The following CCN3 variants were observed in gnomAD, a reference collection of about 807,000 sequenced individuals.
CCN3 encodes cellular communication network factor 3.
Under a neutral mutation model 33.4 loss-of-function variants are expected in CCN3, and 20 were observed. That is an observed-to-expected ratio of 0.60 (90% CI 0.42 to 0.87). The LOEUF is 0.87. CCN3 is among the 40% of genes least tolerant of loss of function. The pLI, the probability that CCN3 is intolerant of heterozygous loss-of-function variation, is 0.00. For synonymous variants in CCN3, 205 were observed against 170.4 expected (o/e 1.20, Z -1.58); for missense variants, 465 against 455.3 (o/e 1.02, Z -0.19).
Position 119,424,094 on chromosome 8 carries a change from T to C in CCN3, c.*962T>C, listed in dbSNP as rs1305985981. The C allele has an allele frequency of 6.6e-6, 1 of 152,164 alleles. No homozygotes were observed. The highest frequency in any genetic ancestry group is 1.9e-4 in the East Asian group (1 of 5,194). The allele number at this position is 152,164 out of a possible 1,614,324, so 9.4% of individuals were successfully genotyped here. A position where few individuals can be genotyped will look rare whatever the true frequency, so the allele number is the denominator to read the frequency against. On this transcript the variant is annotated 3_prime_UTR_variant, in exon 5 of 5. Transcript: ENST00000259526. ...ACATTTTATGAGAGTTTGGAATTAT[T>C]GTAGACATGCCCAAAACTTATCCTT...
At chr8:119,418,965 GAAAT>G (rs1820088552) in intron 3 of CCN3, among the ~76,000 whole-genome samples, 162 bp from the exon 4 acceptor site, 1 of 152,174 alleles carries the variant, frequency 6.6e-6, no homozygotes, top group South Asian at 2.1e-4. Flanking sequence ...AGCCATGCCA[GAAAT>G]AAATAAATAG....
chr8:119,420,522 T>G (rs1363028975), intron 4 of CCN3, among the ~76,000 whole-genome samples: 1 of 152,204 alleles, frequency 6.6e-6, no homozygotes, highest in East Asian at 1.9e-4. Flanking sequence ...TCCACCAGTT[T>G]AGAAAGAACA....
intron 3 of CCN3, 141 bp downstream of exon 3, chr8:119,418,450 G>A: frequency 3.0e-6 from 3 of 989,458 alleles, no homozygotes; most frequent in East Asian, 2.5e-5. Flanking sequence ...TGCCCACTGA[G>A]ATCAAACACA....
Position 119,419,286 on chromosome 8 carries a change from C to G in CCN3, c.718C>G (p.Gln240Glu), listed in dbSNP as rs1293254649. Reference sequence around the variant, plus strand: ...GAACCGTCAATGTGAGATGCTGAAACAGACTCGGCTCTGCATGGTGCGGCC... The same window carrying G: ...GAACCGTCAATGTGAGATGCTGAAAGAGACTCGGCTCTGCATGGTGCGGCC... Reference protein sequence around the residue: ...NRNRQCEMLKQTRLCMVRPCE... With the variant: ...NRNRQCEMLKETRLCMVRPCE... The change falls in exon 4 of 5, where the codon CAG becomes GAG. Residue 240 changes from glutamine (Q) to glutamate (E), a missense_variant. Coordinates refer to ENST00000259526, the MANE Select transcript of CCN3 (RefSeq NM_002514.4). 14 of 1,614,070 alleles carry G rather than the reference C, an allele frequency of 8.7e-6. No individual in the cohort carries two copies. Among genetic ancestry groups the G allele is most frequent in the Admixed American group, 1.7e-5 (1 of 60,002 alleles).
intron 4 of CCN3, among the ~76,000 whole-genome samples, chr8:119,421,328 T>G (rs536613530): frequency 1.3e-5 from 2 of 152,038 alleles, no homozygotes; most frequent in African/African-American, 4.8e-5. Flanking sequence ...TCTTAAAGGG[T>G]GGTCCCCAAA....
chr8:119,417,062 C>A, intron 2 of CCN3, 93 bp downstream of exon 2: 1 of 1,015,382 alleles, frequency 9.8e-7, no homozygotes, highest in Non-Finnish European at 1.5e-6. Flanking sequence ...TCCCAGAGGG[C>A]GATAAGCAAA....
intron 1 of CCN3, 49 bp from the exon 2 acceptor site, chr8:119,416,695 C>A (rs1394155918): frequency 3.8e-6 from 6 of 1,577,252 alleles, no homozygotes; most frequent in Non-Finnish European, 5.2e-6. Context: ...GGGCTCACTG[C>A]GTCTTCTGTC....
At chr8:119,417,636 G>A (rs992384486) in intron 2 of CCN3, among the ~76,000 whole-genome samples, 1 of 152,112 alleles carries the variant, frequency 6.6e-6, no homozygotes, top group South Asian at 2.1e-4. Context: ...GAGTGTCAAG[G>A]AATCTTAATG....
chr8:119,419,558 C>A (rs1301486620), intron 4 of CCN3, among the ~76,000 whole-genome samples: 7 of 152,232 alleles, frequency 4.6e-5, no homozygotes, highest in Non-Finnish European at 1.0e-4. Context: ...CACAGTACAC[C>A]CTCAGGTAAA....
chr8:119,419,430 T>A, intron 4 of CCN3, 85 bp downstream of exon 4: 1 of 1,360,176 alleles, frequency 7.4e-7, no homozygotes, highest in Non-Finnish European at 1.0e-6. Flanking sequence ...ACTGTGTCAC[T>A]CTGTGACGGA....
Position 119,419,169 on chromosome 8 carries a change from G to C in CCN3, c.601G>C (p.Asp201His). 1.2e-6 allele frequency: 2 copies of C among 1,614,176 alleles called. No homozygotes were observed. The highest frequency in any genetic ancestry group is 1.1e-5 in the South Asian group (1 of 91,068). The stretch of plus-strand genomic sequence containing the variant: ...AGCCACCCTAGGAGTAGAAGTCTCT[G>C]ACTCAAGTGTCAACTGCATTGAACA... Reference protein sequence around the residue: ...PEATLGVEVSDSSVNCIEQTT... With the variant: ...PEATLGVEVSHSSVNCIEQTT... Residue 201 changes from aspartate (D) to histidine (H), a missense_variant, in exon 4 of 5, where the codon GAC becomes CAC. Physicochemically the swap from Asp to His is moderately conservative, Grantham distance 81. Coordinates refer to ENST00000259526, the MANE Select transcript of CCN3 (RefSeq NM_002514.4).
In CCN3 at chr8:119,418,236, G is replaced by A; in HGVS notation, c.489G>A (p.Val163=). 1.2e-6 allele frequency: 2 copies of A among 1,614,222 alleles called. No homozygotes were observed. The highest frequency in any genetic ancestry group is 1.7e-6 in the Non-Finnish European group (2 of 1,180,050). The change falls in exon 3 of 5, where the codon GTG becomes GTA. Residue 163 remains valine, a synonymous_variant. Transcript: ENST00000259526. ...PNCPAPRKVE[V]PGECCEKWIC... is the part of the protein sequence containing the mutation. Reference sequence around the variant, plus strand: ...GCCCAGCTCCAAGAAAAGTTGAGGTGCCTGGAGAGTGCTGTGAAAAGTGGA... The same window carrying A: ...GCCCAGCTCCAAGAAAAGTTGAGGTACCTGGAGAGTGCTGTGAAAAGTGGA...
At chr8:119,419,621 G>T (rs1490520695) in intron 4 of CCN3, among the ~76,000 whole-genome samples, 1 of 152,238 alleles carries the variant, frequency 6.6e-6, no homozygotes, top group African/African-American at 2.4e-5. Flanking sequence ...GAATGGTCTA[G>T]CAAATCCCAT....
In CCN3 at chr8:119,422,840, G is replaced by C; in HGVS notation, c.782G>C (p.Gly261Ala). The C allele has an allele frequency of 6.3e-7, 1 of 1,597,218 alleles. No homozygotes were observed. Among genetic ancestry groups the C allele is most frequent in the Non-Finnish European group, 8.5e-7 (1 of 1,170,212 alleles). ...CACTTCTTTTTTCTTTCTTAGAAAG[G>C]AAAAAAGTGTCTCCGCACCAAGAAG... ...QEPEQPTDKKGKKCLRTKKSL... is the reference protein window; with the variant it reads ...QEPEQPTDKKAKKCLRTKKSL... The change falls in exon 5 of 5, where the codon GGA (glycine) becomes GCA (alanine). Residue 261 changes from glycine to alanine, a missense_variant. By Grantham distance (60) the Gly-to-Ala change is moderately conservative. Coordinates refer to ENST00000259526, the MANE Select transcript of CCN3 (RefSeq NM_002514.4).
At chr8:119,421,736 T>G (rs7816205) in intron 4 of CCN3, among the ~76,000 whole-genome samples, 27,917 of 152,176 alleles carry the variant, frequency 0.18, 2,756 homozygotes, top group Non-Finnish European at 0.22. Context: ...ATTTCCTGGG[T>G]TCATCACGTA....
In CCN3 at chr8:119,423,137, T is replaced by C. The variant is rs755074607; in HGVS notation, c.*5T>C. ...ACTACCAGAGGGAAAATGTAACCTG[T>C]CACTCAAGAAGCACACCTACAGAGC... On this transcript the variant is annotated 3_prime_UTR_variant, in exon 5 of 5. Coordinates refer to ENST00000259526, the MANE Select transcript of CCN3 (RefSeq NM_002514.4). The C allele has an allele frequency of 3.7e-6, 6 of 1,610,450 alleles. No homozygotes were observed. In the Admixed American group the frequency reaches 8.4e-5, roughly 22 times the overall value.
intron 4 of CCN3, among the ~76,000 whole-genome samples, chr8:119,421,743 C>T (rs1381336): frequency 0.047 from 7,220 of 152,202 alleles, 570 homozygotes; most frequent in African/African-American, 0.16. Context: ...GGGTTCATCA[C>T]GTAATAGAAA....
chr8:119,422,738 G>T, intron 4 of CCN3, 98 bp from the exon 5 acceptor site: 2 of 943,450 alleles, frequency 2.1e-6, no homozygotes, highest in Admixed American at 4.6e-5. Context: ...AAGACCAATA[G>T]ATATTGGGTG....
rs955755806 is a variant in CCN3, at chr8:119,422,982, C to T, written c.924C>T (p.Thr308=). ...GCTGCACTCCCCACAATACCAAAAC[C>T]ATCCAGGCAGAGTTTCAGTGCTCCC... ...GRCCTPHNTK[T]IQAEFQCSPG... Residue 308 remains threonine, a synonymous_variant, in exon 5 of 5, where the codon ACC becomes ACT. Transcript: ENST00000259526. 5 of 1,614,046 alleles carry T rather than the reference C, an allele frequency of 3.1e-6. No individual in the cohort carries two copies. The highest frequency in any genetic ancestry group is 3.4e-6 in the Non-Finnish European group (4 of 1,180,044).
Sources: allele counts gnomAD v4.1 joint callset (sites outside exome capture counted in the v4.1 genomes callset), GRCh38; gene constraint gnomAD v4.1.1; transcripts MANE v1.5; gene names NCBI Gene and HGNC (gene_info 2026-07-23, HGNC 2026-07-21).